The following MKLN1 variants were observed in gnomAD, a reference collection of about 807,000 sequenced individuals.
The protein encoded by MKLN1 is muskelin.
MKLN1 carries 18 observed loss-of-function variants against 99.0 expected under a neutral mutation model. The observed-to-expected ratio is 0.18, with a 90% CI of 0.13 to 0.27. The LOEUF is 0.27. Among genes scored for constraint, MKLN1 ranks in the 10% least tolerant of loss-of-function variants. The pLI, the probability that MKLN1 is intolerant of heterozygous loss-of-function variation, is 1.00. For synonymous variants in MKLN1, 288 were observed against 293.2 expected (o/e 0.98, Z 0.18); for missense variants, 621 against 875.9 (o/e 0.71, Z 3.67).
At chr7:131,280,711 C>T (rs914431135) in intron 3 of MKLN1, among the ~76,000 whole-genome samples, 1 of 151,446 alleles carries the variant, frequency 6.6e-6, no homozygotes, top group Non-Finnish European at 1.5e-5. Context: ...TGCAGTGGCA[C>T]AATCTTGGCT....
intron 3 of MKLN1, among the ~76,000 whole-genome samples, chr7:131,249,345 G>A (rs1438358467): frequency 6.6e-6 from 1 of 152,206 alleles, no homozygotes; most frequent in Non-Finnish European, 1.5e-5. Context: ...AGTCCAAGTT[G>A]CAATGCCTTG....
At chr7:131,347,187 GA>G (rs1799588200) in intron 1 of MKLN1, among the ~76,000 whole-genome samples, 1 of 152,028 alleles carries the variant, frequency 6.6e-6, no homozygotes, top group Admixed American at 6.6e-5. Context: ...AAATAGAAAC[GA>G]AAGGAAAAAA....
intron 1 of MKLN1, among the ~76,000 whole-genome samples, chr7:131,372,191 A>T (rs1793483926): frequency 6.6e-6 from 1 of 152,006 alleles, no homozygotes; most frequent in Admixed American, 6.6e-5. Flanking sequence ...ATAATGTATT[A>T]GGTTTTCCTT....
At chr7:131,232,120 A>C (rs533681584) in intron 3 of MKLN1, among the ~76,000 whole-genome samples, 3 of 152,314 alleles carry the variant, frequency 2.0e-5, no homozygotes, top group Admixed American at 2.0e-4. Context: ...TCCTACCTCC[A>C]TATAAAAATT....
At chr7:131,394,458 C>G (rs1281407130) in intron 4 of MKLN1, among the ~76,000 whole-genome samples, 3 of 151,960 alleles carry the variant, frequency 2.0e-5, no homozygotes, top group African/African-American at 4.8e-5. Context: ...ACTTAGATCC[C>G]TTGTATTTGC....
chr7:131,226,544 T>C (rs1006215644), intron 3 of MKLN1, among the ~76,000 whole-genome samples: 1 of 152,208 alleles, frequency 6.6e-6, no homozygotes, highest in African/African-American at 2.4e-5. Context: ...GGTGAGAGAA[T>C]AGTTCAGCAA....
intron 3 of MKLN1, among the ~76,000 whole-genome samples, chr7:131,249,363 A>G (rs1253915566): frequency 2.0e-5 from 3 of 152,240 alleles, no homozygotes; most frequent in African/African-American, 4.8e-5. Context: ...TTGGCAATGT[A>G]GCACTCACAG....
chr7:131,385,893 T>C (rs757793235), intron 2 of MKLN1, among the ~76,000 whole-genome samples: 1 of 152,140 alleles, frequency 6.6e-6, no homozygotes, highest in Non-Finnish European at 1.5e-5. Context: ...TTTATTTTAT[T>C]TTGTTTGTAC....
chr7:131,280,491 C>A (rs1286623808), intron 3 of MKLN1, among the ~76,000 whole-genome samples: 6 of 152,178 alleles, frequency 3.9e-5, no homozygotes, highest in African/African-American at 1.4e-4. Flanking sequence ...TTATAGCCAT[C>A]CTTGTGGTGT....
At chr7:131,119,196 A>C (rs1276795176) in intron 1 of MKLN1, among the ~76,000 whole-genome samples, 1 of 152,252 alleles carries the variant, frequency 6.6e-6, no homozygotes, top group African/African-American at 2.4e-5. Context: ...ATTGGCCAAA[A>C]CAAAGGGGCT....
intron 3 of MKLN1, among the ~76,000 whole-genome samples, chr7:131,247,883 T>C (rs903147774): frequency 2.6e-5 from 4 of 151,914 alleles, no homozygotes; most frequent in South Asian, 2.1e-4. Flanking sequence ...TTTTGTTTTG[T>C]TTTGTTTTGT....
chr7:131,238,155 CA>C (rs1487230563), intron 3 of MKLN1, among the ~76,000 whole-genome samples: 1 of 151,858 alleles, frequency 6.6e-6, no homozygotes, highest in African/African-American at 2.4e-5. Flanking sequence ...TCAAAAAAAA[CA>C]AGCAAAAAGC....
intron 1 of MKLN1, among the ~76,000 whole-genome samples, chr7:131,349,081 C>T (rs1799643479): frequency 6.6e-6 from 1 of 151,952 alleles, no homozygotes; most frequent in Admixed American, 6.6e-5. Context: ...CATTGTTGCC[C>T]AACAAAGATA....
chr7:131,252,382 G>A (rs1797596652), intron 3 of MKLN1, among the ~76,000 whole-genome samples: 1 of 138,978 alleles, frequency 7.2e-6, no homozygotes, highest in Non-Finnish European at 1.5e-5. Context: ...AGGCTGGAGT[G>A]CAATGGCATG....
intron 12 of MKLN1, among the ~76,000 whole-genome samples, chr7:131,447,854 C>T (rs1034214531): frequency 1.2e-4 from 18 of 152,150 alleles, no homozygotes; most frequent in Non-Finnish European, 1.3e-4. Context: ...TACACAACTA[C>T]GTAATGACAG....
intron 1 of MKLN1, among the ~76,000 whole-genome samples, chr7:131,141,843 G>A (rs1400268566): frequency 6.6e-6 from 1 of 152,128 alleles, no homozygotes; most frequent in Non-Finnish European, 1.5e-5. Context: ...TGTCCTGTGA[G>A]GTTCCTGTAA....
At chr7:131,253,125 C>T (rs184183772) in intron 3 of MKLN1, among the ~76,000 whole-genome samples, 14 of 152,232 alleles carry the variant, frequency 9.2e-5, no homozygotes, top group Admixed American at 3.3e-4. Flanking sequence ...GTCCTAAGGG[C>T]GTACAACAAA....
chr7:131,387,110 C>CT lies in MKLN1; in HGVS notation c.169-3dup, dbSNP rs772223640. On this transcript the variant is annotated splice_polypyrimidine_tract_variant and intron_variant, in intron 2 of 17. Coordinates refer to ENST00000352689, the MANE Select transcript of MKLN1 (RefSeq NM_013255.5). ...AGAAGAGGATATAATTTGGTCGTTT[C>CT]TTTTTTTAGTACTTGATTCTAAAGC... 1.9e-6 allele frequency: 3 copies of CT among 1,558,776 alleles called. No individual in the cohort carries two copies. The highest frequency in any genetic ancestry group is 2.6e-6 in the Non-Finnish European group (3 of 1,156,884).
intron 3 of MKLN1, among the ~76,000 whole-genome samples, chr7:131,220,355 C>T (rs75913312): frequency 0.027 from 4,096 of 152,176 alleles, 166 homozygotes; most frequent in East Asian, 0.16. Flanking sequence ...AACCTCAAGA[C>T]GGTATCAAAG....
Sources: gnomAD v4.1 joint callset for allele counts (sites outside exome capture counted in the v4.1 genomes callset) on GRCh38, gnomAD v4.1.1 for gene constraint, MANE v1.5 for transcripts, NCBI Gene and HGNC (gene_info 2026-07-23, HGNC 2026-07-21) for gene names.